KDM4C: variants seen among roughly 807,000 people sequenced by gnomAD.
The protein encoded by KDM4C is lysine-specific demethylase 4C.
Under a neutral mutation model 129.3 loss-of-function variants are expected in KDM4C, and 81 were observed. The observed-to-expected ratio is 0.63, with a 90% confidence interval of 0.52 to 0.75. The LOEUF (loss-of-function observed/expected upper bound fraction) is 0.75, where lower values mean the gene tolerates loss of function less well. Ranked by LOEUF, KDM4C falls within the 30% of genes least tolerant of loss-of-function variation. KDM4C has a pLI of 0.00. For missense variants in KDM4C, 1,457 were observed against 1,304.0 expected (o/e 1.12, Z -1.81); for synonymous variants, 573 against 456.1 (o/e 1.26, Z -3.26).
chr9:6,807,293 C>T (rs1284048882), intron 3 of KDM4C, among the ~76,000 whole-genome samples: 1 of 151,722 alleles, frequency 6.6e-6, no homozygotes. Flanking sequence ...CAGCCTCTGC[C>T]CAGCCGCCAA....
At chr9:7,173,759 A>G (rs1163443256) in intron 21 of KDM4C, among the ~76,000 whole-genome samples, 2 of 152,208 alleles carry the variant, frequency 1.3e-5, no homozygotes, top group East Asian at 1.9e-4. Flanking sequence ...ATGAAGAAGG[A>G]AGGCTTTCAG....
In KDM4C at chr9:6,919,541, GTCTGTC is replaced by G. The variant is rs1821059815; in HGVS notation, c.921+26311_921+26316del. On this transcript the variant is annotated intron_variant, in intron 8 of 21. Transcript: ENST00000381309. ...ATCTTTCAATTTCATCTGTCTGTCT[GTCTGTC>G]TATCTATCTATCTATCTATCTATCT... 1.8e-4 allele frequency among the ~76,000 whole-genome samples: 11 copies of G among 60,530 alleles called. No individual in the cohort carries two copies. In the Admixed American group the frequency reaches 1.9e-3, roughly 11 times the overall value. 39.7% of individuals were successfully genotyped at this position (60,530 alleles called of 152,430 possible). A position where few individuals can be genotyped will look rare whatever the true frequency, so the allele number is the denominator to read the frequency against.
chr9:7,124,828 C>T (rs1040094298), intron 18 of KDM4C, among the ~76,000 whole-genome samples: 1 of 152,166 alleles, frequency 6.6e-6, no homozygotes. Context: ...TCCTTTTGTT[C>T]TGTCAGGTGT....
At chr9:6,856,583 T>TGTATG (rs1491295273) in intron 5 of KDM4C, among the ~76,000 whole-genome samples, 1 of 132,210 alleles carries the variant, frequency 7.6e-6, no homozygotes, top group African/African-American at 2.9e-5. Flanking sequence ...TGTGTGTGTA[T>TGTATG]TTTTTTTTGA....
In KDM4C at chr9:6,923,058, C is replaced by T. The variant is rs189883958; in HGVS notation, c.921+29826C>T. ...GATTCTCCTCAGGTATGAATTTTCT[C>T]CCCTCTAAATCTATTTTATGGGTAT... On this transcript the variant is annotated intron_variant, in intron 8 of 21. Transcript: ENST00000381309. Among the ~76,000 whole-genome samples, 1,337 of 152,278 alleles carry T rather than the reference C, an allele frequency of 8.8e-3. 9 individuals are homozygous for T. Among genetic ancestry groups the T allele is most frequent in the Non-Finnish European group, 0.015 (1,045 of 68,020 alleles).
intron 15 of KDM4C, among the ~76,000 whole-genome samples, chr9:7,037,087 A>C (rs542783093): frequency 3.2e-4 from 49 of 152,274 alleles, no homozygotes; most frequent in African/African-American, 1.2e-3. Flanking sequence ...CATATCCAGA[A>C]ATGGTTCTCC....
At chr9:6,846,218 G>A (rs1006421133) in intron 4 of KDM4C, among the ~76,000 whole-genome samples, 4 of 152,194 alleles carry the variant, frequency 2.6e-5, no homozygotes, top group African/African-American at 9.6e-5. Context: ...CTTTAAAAGG[G>A]AAGGTCCAGG....
chr9:6,881,581 A>C (rs1291112812), intron 6 of KDM4C, among the ~76,000 whole-genome samples: 2 of 152,248 alleles, frequency 1.3e-5, no homozygotes, highest in African/African-American at 4.8e-5. Context: ...TAAACCTTAC[A>C]ATATTGAGTC....
intron 8 of KDM4C, among the ~76,000 whole-genome samples, chr9:6,932,301 C>G (rs1823898743): frequency 6.6e-6 from 1 of 152,152 alleles, no homozygotes; most frequent in African/African-American, 2.4e-5. Flanking sequence ...GCCGACTCTC[C>G]TGTTTCTGCG....
chr9:6,844,009 A>G (rs890121025), intron 4 of KDM4C, among the ~76,000 whole-genome samples: 1 of 151,954 alleles, frequency 6.6e-6, no homozygotes, highest in African/African-American at 2.4e-5. Context: ...ATTTTTTAAA[A>G]TTTTTGGTAG....
chr9:6,847,253 G>A (rs1027624411), intron 4 of KDM4C, among the ~76,000 whole-genome samples: 1 of 152,112 alleles, frequency 6.6e-6, no homozygotes, highest in Non-Finnish European at 1.5e-5. Flanking sequence ...TTTTAAATAG[G>A]ACTCTATTAT....
intron 5 of KDM4C, among the ~76,000 whole-genome samples, chr9:6,865,765 TTG>T (rs1491010549): frequency 6.6e-6 from 1 of 151,860 alleles, no homozygotes; most frequent in African/African-American, 2.4e-5. Context: ...ATTTTTTTTT[TTG>T]TGCGACGGAG....
intron 5 of KDM4C, among the ~76,000 whole-genome samples, chr9:6,873,615 A>G (rs1207438077): frequency 6.6e-6 from 1 of 152,224 alleles, no homozygotes; most frequent in Non-Finnish European, 1.5e-5. Context: ...ATTGAAGAGA[A>G]TTGAAGCCTT....
intron 8 of KDM4C, among the ~76,000 whole-genome samples, chr9:6,961,042 A>G (rs930938231): frequency 6.6e-5 from 10 of 152,182 alleles, no homozygotes; most frequent in Admixed American, 6.5e-5. Context: ...TCTCAAATTC[A>G]CTTTCTTTTT....
At chr9:6,857,755 C>A (rs950951862) in intron 5 of KDM4C, among the ~76,000 whole-genome samples, 3 of 135,542 alleles carry the variant, frequency 2.2e-5, no homozygotes, top group African/African-American at 8.1e-5. Flanking sequence ...GCCAGCTGTA[C>A]TTTTTTTTTT....
intron 17 of KDM4C, among the ~76,000 whole-genome samples, chr9:7,073,896 A>G (rs1833553508): frequency 6.6e-6 from 1 of 152,156 alleles, no homozygotes; most frequent in South Asian, 2.1e-4. Context: ...GCATACATCT[A>G]TCATCTAATA....
At chr9:7,111,912 AAGG>A (rs1364420859) in intron 18 of KDM4C, among the ~76,000 whole-genome samples, 4 of 152,096 alleles carry the variant, frequency 2.6e-5, no homozygotes, top group Non-Finnish European at 5.9e-5. Flanking sequence ...GAGGGACAGG[AAGG>A]ATTATCCTTT....
intron 21 of KDM4C, chr9:7,170,606 G>C (rs530366864): frequency 1.1e-6 from 1 of 948,580 alleles, no homozygotes; most frequent in East Asian, 1.2e-4. Context: ...CTGAAATGAA[G>C]TCAGTTTTAT....
At chr9:6,853,087 C>G (rs1018757104) in intron 5 of KDM4C, among the ~76,000 whole-genome samples, 4 of 151,876 alleles carry the variant, frequency 2.6e-5, no homozygotes, top group African/African-American at 7.3e-5. Flanking sequence ...CAGGGCCTGG[C>G]TATAGGAGCG....
Sources: gnomAD v4.1 joint callset for allele counts (sites outside exome capture counted in the v4.1 genomes callset) on GRCh38, gnomAD v4.1.1 for gene constraint, MANE v1.5 for transcripts, NCBI Gene and HGNC (gene_info 2026-07-23, HGNC 2026-07-21) for gene names.